CSMD3: variants seen among roughly 807,000 people sequenced by gnomAD.
The protein encoded by CSMD3 is CUB and Sushi multiple domains 3, also known as CUB and sushi domain-containing protein 3.
In CSMD3, 177 loss-of-function variants were observed where a neutral mutation model predicts 435.2. The ratio of observed to expected loss-of-function variants is 0.41; its 90% CI spans 0.36 to 0.46. CSMD3 has a LOEUF of 0.46. Ranked by LOEUF, CSMD3 falls within the 20% of genes least tolerant of loss-of-function variation. The pLI, the probability that CSMD3 is intolerant of heterozygous loss-of-function variation, is 0.34. For missense variants in CSMD3, 4,265 were observed against 4,504.6 expected (o/e 0.95, Z 1.52); for synonymous variants, 1,656 against 1,520.5 (o/e 1.09, Z -2.07).
chr8:112,440,023 C>T (rs934867690), intron 32 of CSMD3, among the ~76,000 whole-genome samples: 12 of 152,170 alleles, frequency 7.9e-5, no homozygotes, highest in African/African-American at 2.7e-4. Context: ...CCAACAGTCA[C>T]CCACAGTCTT....
intron 13 of CSMD3, among the ~76,000 whole-genome samples, chr8:112,737,954 A>G (rs1370650573): frequency 6.6e-6 from 1 of 151,896 alleles, no homozygotes; most frequent in African/African-American, 2.4e-5. Context: ...ATTAATGTAA[A>G]TCATTACCTA....
intron 3 of CSMD3, among the ~76,000 whole-genome samples, chr8:113,217,476 C>CATA (rs1216045198): frequency 6.6e-6 from 1 of 151,404 alleles, no homozygotes; most frequent in Non-Finnish European, 1.5e-5. Context: ...CACAGATAAA[C>CATA]ATAATTAGTT....
At chr8:112,444,884 A>G (rs754746509) in intron 32 of CSMD3, among the ~76,000 whole-genome samples, 1 of 152,188 alleles carries the variant, frequency 6.6e-6, no homozygotes, top group African/African-American at 2.4e-5. Context: ...CTAAAAATGT[A>G]TGATTGAAAT....
intron 3 of CSMD3, among the ~76,000 whole-genome samples, chr8:113,192,569 C>T (rs116957087): frequency 0.028 from 4,224 of 151,662 alleles, 83 homozygotes; most frequent in Non-Finnish European, 0.039. Flanking sequence ...ACCACTTTTT[C>T]TCTTATTTCT....
At chr8:112,645,841 T>A (rs1460873723) in intron 19 of CSMD3, among the ~76,000 whole-genome samples, 1 of 152,222 alleles carries the variant, frequency 6.6e-6, no homozygotes, top group Admixed American at 6.5e-5. Context: ...AGGTCTTCTA[T>A]ATATTCAACA....
At chr8:112,640,976 T>G (rs563742198) in intron 20 of CSMD3, among the ~76,000 whole-genome samples, 1 of 152,314 alleles carries the variant, frequency 6.6e-6, no homozygotes, top group Non-Finnish European at 1.5e-5. Context: ...AGAATTTCAT[T>G]AATTAATTAT....
chr8:112,453,255 G>A (rs1463881272), intron 32 of CSMD3, among the ~76,000 whole-genome samples: 4 of 152,060 alleles, frequency 2.6e-5, no homozygotes, highest in Non-Finnish European at 5.9e-5. Context: ...AGTTCTGAAA[G>A]TCCCAGTCAG....
At chr8:112,747,159 A>T in intron 13 of CSMD3, among the ~76,000 whole-genome samples, 1 of 39,522 alleles carries the variant, frequency 2.5e-5, no homozygotes, top group Admixed American at 2.5e-4. Flanking sequence ...ATCCATCATT[A>T]TGATTATTTG....
At chr8:112,686,479 T>A (rs958650298) in intron 14 of CSMD3, among the ~76,000 whole-genome samples, 2 of 150,850 alleles carry the variant, frequency 1.3e-5, no homozygotes, top group African/African-American at 4.9e-5. Context: ...TCCAAAGTTT[T>A]CATTACATTT....
chr8:112,796,305 G>A (rs2078827977), intron 13 of CSMD3, among the ~76,000 whole-genome samples: 1 of 152,054 alleles, frequency 6.6e-6, no homozygotes, highest in Non-Finnish European at 1.5e-5. Flanking sequence ...ACAAATATTT[G>A]TTGTTTGCTT....
chr8:112,944,147 T>C (rs975496018), intron 9 of CSMD3, among the ~76,000 whole-genome samples: 2 of 151,672 alleles, frequency 1.3e-5, no homozygotes, highest in South Asian at 4.1e-4. Flanking sequence ...TCTTAAACTT[T>C]CTCTCCCATC....
At chr8:112,914,779 A>G (rs544252901) in intron 10 of CSMD3, among the ~76,000 whole-genome samples, 2 of 151,774 alleles carry the variant, frequency 1.3e-5, no homozygotes, top group South Asian at 4.1e-4. Flanking sequence ...TTTTGAGTGC[A>G]TATACATAGC....
chr8:112,283,622 G>A (rs1178946113), intron 58 of CSMD3, among the ~76,000 whole-genome samples: 2 of 150,918 alleles, frequency 1.3e-5, no homozygotes, highest in Non-Finnish European at 3.0e-5. Flanking sequence ...TACAATTAAG[G>A]TATCTTTCTA....
intron 5 of CSMD3, among the ~76,000 whole-genome samples, chr8:113,054,355 T>A (rs758597247): frequency 1.3e-5 from 2 of 152,168 alleles, no homozygotes; most frequent in Non-Finnish European, 2.9e-5. Context: ...ACGTCGACAC[T>A]CAAAACTACT....
chr8:112,229,682 G>A (rs1812908246), intron 69 of CSMD3, among the ~76,000 whole-genome samples: 1 of 152,122 alleles, frequency 6.6e-6, no homozygotes, highest in South Asian at 2.1e-4. Context: ...ACATGCCTAA[G>A]CTTCCCAAAA....
intron 1 of CSMD3, among the ~76,000 whole-genome samples, chr8:113,432,246 T>C (rs1725396128): frequency 6.6e-6 from 1 of 152,190 alleles, no homozygotes; most frequent in Non-Finnish European, 1.5e-5. Flanking sequence ...CTCCGAATTC[T>C]GGTAACCGTT....
At chr8:112,587,645 A>T (rs1188389991) in intron 22 of CSMD3, among the ~76,000 whole-genome samples, 1 of 151,850 alleles carries the variant, frequency 6.6e-6, no homozygotes, top group Non-Finnish European at 1.5e-5. Flanking sequence ...AAACATTTTT[A>T]CCTTTTTAAT....
At chr8:112,591,593 T>A (rs1322568357) in intron 22 of CSMD3, among the ~76,000 whole-genome samples, 1 of 152,130 alleles carries the variant, frequency 6.6e-6, no homozygotes, top group Non-Finnish European at 1.5e-5. Context: ...TTTTAAACTG[T>A]TTTGTGAAAG....
rs116463122 is a variant in CSMD3 at position 112,706,641 on chromosome 8, T to C, written c.1973-16591A>G. ...ACTGGAGTTCAGATGCAGGGAGGGT[T>C]AGGTAAGACACGAGACTAGAGAGAT... is the stretch of plus-strand genomic sequence containing the variant. On this transcript the variant is annotated intron_variant, in intron 13 of 70. Transcript: ENST00000297405. 7.4e-3 allele frequency among the ~76,000 whole-genome samples: 1,123 copies of C among 152,060 alleles called. 12 individuals are homozygous for C. The highest frequency in any genetic ancestry group is 0.025 in the African/African-American group (1,032 of 41,500).
Sources: gnomAD v4.1 joint callset for allele counts (sites outside exome capture counted in the v4.1 genomes callset) on GRCh38, gnomAD v4.1.1 for gene constraint, MANE v1.5 for transcripts, NCBI Gene and HGNC (gene_info 2026-07-23, HGNC 2026-07-21) for gene names.